MAD1L1: variants seen among roughly 807,000 people sequenced by gnomAD.
The protein encoded by MAD1L1 is mitotic spindle assembly checkpoint protein MAD1.
In MAD1L1, 95 loss-of-function variants were observed where a neutral mutation model predicts 96.9. That is an observed-to-expected ratio of 0.98 (90% confidence interval 0.83 to 1.16). The LOEUF (loss-of-function observed/expected upper bound fraction) is 1.16, where lower values mean the gene tolerates loss of function less well. MAD1L1 is among the 50% of genes most tolerant of loss of function. MAD1L1 has a pLI of 0.00. For synonymous variants in MAD1L1, 473 were observed against 396.6 expected (o/e 1.19, Z -2.29); for missense variants, 1,007 against 954.4 (o/e 1.06, Z -0.73).
chr7:2,101,805 C>A (rs916194671), intron 11 of MAD1L1, among the ~76,000 whole-genome samples: 1 of 152,186 alleles, frequency 6.6e-6, no homozygotes, highest in African/African-American at 2.4e-5. Flanking sequence ...ACTGTTGGCT[C>A]CGTGCACACA....
chr7:2,126,759 T>C (rs1472017214), intron 11 of MAD1L1, among the ~76,000 whole-genome samples: 1 of 152,140 alleles, frequency 6.6e-6, no homozygotes, highest in Non-Finnish European at 1.5e-5. Flanking sequence ...TGGGCAGCTT[T>C]ACACCTGTCG....
intron 18 of MAD1L1, chr7:1,846,379 A>G (rs1011897637): frequency 6.5e-6 from 1 of 152,684 alleles, no homozygotes; most frequent in Admixed American, 6.5e-5. Context: ...CAGTGTTTCC[A>G]TAGAGGGTTC....
intron 14 of MAD1L1, among the ~76,000 whole-genome samples, chr7:1,984,793 G>A (rs1781067969): frequency 6.6e-6 from 1 of 152,204 alleles, no homozygotes; most frequent in Admixed American, 6.5e-5. Context: ...ACTATAACTG[G>A]ATTTGTGTCT....
intron 17 of MAD1L1, among the ~76,000 whole-genome samples, chr7:1,903,881 G>A (rs1427197084): frequency 3.0e-5 from 4 of 134,518 alleles, no homozygotes; most frequent in Non-Finnish European, 3.2e-5. Context: ...GTGGCCTATG[G>A]AAGATGCTCT....
intron 18 of MAD1L1, among the ~76,000 whole-genome samples, chr7:1,878,732 C>T (rs1304169688): frequency 1.2e-4 from 4 of 34,160 alleles, no homozygotes; most frequent in Non-Finnish European, 1.7e-4. Context: ...GTAAAAATGT[C>T]CCCCCCCCCC....
rs149491171 is a variant in MAD1L1 at position 2,146,630 on chromosome 7, T to C, written c.1073+2522A>G. 0.015 allele frequency among the ~76,000 whole-genome samples: 2,292 copies of C among 152,308 alleles called. 54 individuals are homozygous for C. Among genetic ancestry groups the C allele is most frequent in the African/African-American group, 0.052 (2,174 of 41,556 alleles). On this transcript the variant is annotated intron_variant, in intron 11 of 18. Coordinates refer to ENST00000265854, the MANE Select transcript of MAD1L1 (RefSeq NM_001013836.2). The surrounding 1 kb of genome is among the most constrained non-coding windows in gnomAD (Gnocchi z 6.2). ...TGACCTCAGCTGGACCAGGGCTCTG[T>C]TCTTCAGTGACTACAAGCTACTTTC...
chr7:2,055,204 G>A (rs975255094), intron 12 of MAD1L1, among the ~76,000 whole-genome samples: 2 of 152,178 alleles, frequency 1.3e-5, no homozygotes, highest in Non-Finnish European at 2.9e-5. Context: ...AAAGCAGGGA[G>A]TGAATGAGCA....
chr7:1,867,511 G>A (rs555144293), intron 18 of MAD1L1, among the ~76,000 whole-genome samples: 72 of 152,360 alleles, frequency 4.7e-4, no homozygotes, highest in Non-Finnish European at 6.2e-4. Context: ...AGTGCAAAGC[G>A]GGCCATGCAT....
chr7:2,117,020 A>G (rs1177006920), intron 11 of MAD1L1, among the ~76,000 whole-genome samples: 3 of 152,220 alleles, frequency 2.0e-5, no homozygotes, highest in Admixed American at 1.3e-4. Flanking sequence ...GGAGCTCCCA[A>G]TGCAGCAGGA....
intron 15 of MAD1L1, among the ~76,000 whole-genome samples, chr7:1,975,477 C>T (rs1780594082): frequency 6.6e-6 from 1 of 152,082 alleles, no homozygotes; most frequent in Admixed American, 6.5e-5. Context: ...CCCTGGCGGC[C>T]TGGGCTGGGC....
chr7:1,979,797 C>T (rs968856431), intron 15 of MAD1L1, among the ~76,000 whole-genome samples: 6 of 152,200 alleles, frequency 3.9e-5, no homozygotes, highest in African/African-American at 1.4e-4. Context: ...GCCACACTCC[C>T]GTGCAGCCAT....
At chr7:2,025,783 A>G (rs1782970419) in intron 12 of MAD1L1, among the ~76,000 whole-genome samples, 1 of 152,242 alleles carries the variant, frequency 6.6e-6, no homozygotes, top group Non-Finnish European at 1.5e-5. Flanking sequence ...TAGAAGGAAA[A>G]GAAGTATTAA....
intron 10 of MAD1L1, among the ~76,000 whole-genome samples, chr7:2,178,713 A>G (rs1791053084): frequency 6.6e-6 from 1 of 152,164 alleles, no homozygotes; most frequent in South Asian, 2.1e-4. Flanking sequence ...CCTGGCCAAC[A>G]TGGCGAAACC....
At chr7:2,208,253 C>T (rs117183844) in intron 10 of MAD1L1, among the ~76,000 whole-genome samples, 3 of 152,250 alleles carry the variant, frequency 2.0e-5, no homozygotes, top group East Asian at 1.9e-4. Flanking sequence ...CATTTTGGTA[C>T]ATTGTCCTTG....
chr7:2,224,788 C>T (rs1312803184), intron 4 of MAD1L1, among the ~76,000 whole-genome samples: 1 of 152,200 alleles, frequency 6.6e-6, no homozygotes, highest in Non-Finnish European at 1.5e-5. Context: ...ACCTAATTCC[C>T]TCCCCAAGGA....
chr7:1,908,081 C>T (rs1273375103), intron 17 of MAD1L1, among the ~76,000 whole-genome samples: 1 of 152,208 alleles, frequency 6.6e-6, no homozygotes, highest in Non-Finnish European at 1.5e-5. Flanking sequence ...ACACACGGTC[C>T]CAACGATGTA....
intron 17 of MAD1L1, among the ~76,000 whole-genome samples, chr7:1,906,220 T>C (rs1583732033): frequency 6.6e-6 from 1 of 151,938 alleles, no homozygotes; most frequent in East Asian, 1.9e-4. Context: ...TTCTGTAGGG[T>C]CCCCGAACCC....
chr7:1,826,469 C>T (rs1471477490), intron 18 of MAD1L1, among the ~76,000 whole-genome samples: 1 of 152,238 alleles, frequency 6.6e-6, no homozygotes, highest in African/African-American at 2.4e-5. Flanking sequence ...CCTCCAGCTC[C>T]AGGCCCAGCC....
intron 10 of MAD1L1, chr7:2,193,616 C>A (rs1348635838): frequency 6.6e-6 from 1 of 152,286 alleles, no homozygotes; most frequent in Non-Finnish European, 1.5e-5. Context: ...ACTTCTCAAC[C>A]CTGGGAGCAA....
Sources: allele counts gnomAD v4.1 joint callset (sites outside exome capture counted in the v4.1 genomes callset), GRCh38; gene constraint gnomAD v4.1.1; non-coding constraint Gnocchi (gnomAD v3.1); transcripts MANE v1.5; gene names NCBI Gene and HGNC (gene_info 2026-07-23, HGNC 2026-07-21).